EPB41L4A: variants seen among roughly 807,000 people sequenced by gnomAD.
EPB41L4A encodes the protein band 4.1-like protein 4A.
A neutral mutation model predicts 108.6 loss-of-function variants in EPB41L4A; 100 were observed. That is an observed-to-expected ratio of 0.92 (90% CI 0.78 to 1.09). The LOEUF is 1.09. EPB41L4A is among the 50% of genes least tolerant of loss of function. The probability of loss-of-function intolerance (pLI) is 0.00; values close to 1 mark genes in which losing one functional copy is unlikely to be tolerated. For missense variants in EPB41L4A, 1,030 were observed against 842.7 expected, an observed-to-expected ratio of 1.22 and a Z score of -2.75; for synonymous variants, 319 against 289.0, an observed-to-expected ratio of 1.10 and a Z score of -1.05.
chr5:112,240,423 T>C (rs542889342), intron 10 of EPB41L4A, among the ~76,000 whole-genome samples: 126 of 152,308 alleles, frequency 8.3e-4, no homozygotes, highest in African/African-American at 2.9e-3. Flanking sequence ...CAATACTACA[T>C]AGGTGCTAGC....
intron 1 of EPB41L4A, among the ~76,000 whole-genome samples, chr5:112,378,439 CA>C (rs1257818672): frequency 5.3e-5 from 8 of 152,028 alleles, no homozygotes; most frequent in Non-Finnish European, 1.5e-5. Context: ...TCTTAAAAAG[CA>C]AAAAATTCAG....
chr5:112,222,779 G>A (rs373642143), intron 12 of EPB41L4A, among the ~76,000 whole-genome samples: 16 of 152,146 alleles, frequency 1.1e-4, no homozygotes, highest in Admixed American at 2.6e-4. Context: ...GAATCTGGGC[G>A]GTTTCCTCAG....
At chr5:112,158,970 T>G (rs746028065), downstream of EPB41L4A, among the ~76,000 whole-genome samples, 1 of 152,232 alleles carries the variant, frequency 6.6e-6, no homozygotes, top group Non-Finnish European at 1.5e-5. Flanking sequence ...AAGGACAATC[T>G]TCGTGTTACT....
intron 2 of EPB41L4A, among the ~76,000 whole-genome samples, chr5:112,305,049 T>C (rs116560787): frequency 0.017 from 2,536 of 152,230 alleles, 31 homozygotes; most frequent in Middle Eastern, 0.027. Context: ...AAGGGAAGAC[T>C]GCGCTGCTGC....
intron 1 of EPB41L4A, among the ~76,000 whole-genome samples, chr5:112,369,105 G>A (rs991520449): frequency 6.6e-6 from 1 of 152,126 alleles, no homozygotes; most frequent in Non-Finnish European, 1.5e-5. Flanking sequence ...TCAACACAAA[G>A]GTCCCTTAGC....
At chr5:112,375,097 T>C (rs575629732) in intron 1 of EPB41L4A, among the ~76,000 whole-genome samples, 1 of 152,214 alleles carries the variant, frequency 6.6e-6, no homozygotes, top group East Asian at 1.9e-4. Context: ...AACCATTCTG[T>C]TTTGTCGTTG....
chr5:112,220,860 G>A (rs186424570), intron 12 of EPB41L4A, among the ~76,000 whole-genome samples: 2 of 152,210 alleles, frequency 1.3e-5, no homozygotes, highest in African/African-American at 4.8e-5. Context: ...TATCATACAG[G>A]GAAACCAAGA....
intron 1 of EPB41L4A, among the ~76,000 whole-genome samples, chr5:112,322,196 A>T (rs821746): frequency 0.24 from 37,060 of 152,128 alleles, 7,118 homozygotes; most frequent in African/African-American, 0.53. Flanking sequence ...ATAAATGTGA[A>T]ACTTATTTAA....
intron 16 of EPB41L4A, 158 bp from the exon 17 acceptor site, chr5:112,194,803 T>C (rs890264411): frequency 2.0e-6 from 1 of 505,192 alleles, no homozygotes; most frequent in Non-Finnish European, 3.4e-6. Context: ...TCAGTGTTTC[T>C]GAACTCAGTA....
At chr5:112,332,867 C>T (rs11739473) in intron 1 of EPB41L4A, among the ~76,000 whole-genome samples, 70,022 of 152,028 alleles carry the variant, frequency 0.46, 17,600 homozygotes, top group South Asian at 0.61. Flanking sequence ...TAGTAAAAGG[C>T]TTTCTTCCGT....
chr5:112,192,774 C>A (rs1761769587), intron 17 of EPB41L4A, among the ~76,000 whole-genome samples: 1 of 152,082 alleles, frequency 6.6e-6, no homozygotes, highest in Admixed American at 6.5e-5. Context: ...TTGGCTCCCC[C>A]AAAAATGTTT....
At chr5:112,278,460 C>T (rs541521660) in intron 3 of EPB41L4A, among the ~76,000 whole-genome samples, 10 of 152,024 alleles carry the variant, frequency 6.6e-5, no homozygotes, top group African/African-American at 2.4e-4. Flanking sequence ...CCATGTTGGC[C>T]AGGCTGGTCT....
intron 22 of EPB41L4A, 76 bp from the exon 23 acceptor site, chr5:112,165,194 C>G: frequency 1.8e-6 from 2 of 1,117,066 alleles, no homozygotes; most frequent in Non-Finnish European, 2.6e-6. Context: ...CATCAGAAAC[C>G]AAGCTGCTCT....
chr5:112,171,947 A>AT (rs1760604432), intron 18 of EPB41L4A, among the ~76,000 whole-genome samples: 1 of 152,078 alleles, frequency 6.6e-6, no homozygotes, highest in Admixed American at 6.5e-5. Context: ...TTAGTGTATG[A>AT]TATCATTAAT....
rs144236672 is a variant in EPB41L4A at position 112,221,534 on chromosome 5, G to C, written c.1088-11552C>G. ...TAACTACTTATATAGTGCACAGCTG[G>C]ATTAAATTAGACAATTTATATAAAG... On this transcript the variant is annotated intron_variant, in intron 12 of 22. Transcript: ENST00000261486. 2.5e-3 allele frequency among the ~76,000 whole-genome samples: 381 copies of C among 152,264 alleles called. 3 individuals are homozygous for C. The highest frequency in any genetic ancestry group is 9.0e-3 in the African/African-American group (376 of 41,550).
chr5:112,410,780 A>T (rs1762362240), intron 1 of EPB41L4A, among the ~76,000 whole-genome samples: 1 of 152,146 alleles, frequency 6.6e-6, no homozygotes, highest in South Asian at 2.1e-4. Flanking sequence ...GACTCAAGGG[A>T]AGTCTGCTGG....
rs1749803990 is a variant in EPB41L4A, at chr5:112,241,830, A to G, written c.796-1020T>C. Among the ~76,000 whole-genome samples, 7 of 152,228 alleles carry G rather than the reference A, an allele frequency of 4.6e-5. No homozygotes were observed. In the South Asian group the frequency reaches 1.4e-3, roughly 32 times the overall value. ...GCTGCAGACTACTGCAATAAAGTGAATATTGCAATAAAGTGAGTTGCACAT... is the reference window on the plus strand; with the variant it reads ...GCTGCAGACTACTGCAATAAAGTGAGTATTGCAATAAAGTGAGTTGCACAT... On this transcript the variant is annotated intron_variant, in intron 9 of 22. Transcript: ENST00000261486.
chr5:112,204,415 A>G lies in EPB41L4A; in HGVS notation c.1336T>C (p.Cys446Arg). Residue 446 changes from cysteine to arginine, a missense_variant, in exon 15 of 23, where the codon TGT (cysteine) becomes CGT (arginine). Coordinates refer to ENST00000261486, the MANE Select transcript of EPB41L4A (RefSeq NM_022140.5). ...FPYTRRRNPS[C>R]GSDNDSVQPV... ...TGTACAGAATCATTGTCACTTCCAC[A>G]GGAGGGGTTTCGGCGACGCGTGTAA... The G allele has an allele frequency of 6.2e-7, 1 of 1,613,894 alleles. No individual in the cohort carries two copies. Among genetic ancestry groups the G allele is most frequent in the Non-Finnish European group, 8.5e-7 (1 of 1,179,830 alleles).
chr5:112,353,009 G>A (rs1421922820), intron 1 of EPB41L4A, among the ~76,000 whole-genome samples: 1 of 152,114 alleles, frequency 6.6e-6, no homozygotes, highest in Non-Finnish European at 1.5e-5. Flanking sequence ...CTATAGTGTT[G>A]GTTAGGTAAG....
Sources: allele counts gnomAD v4.1 joint callset (sites outside exome capture counted in the v4.1 genomes callset), GRCh38; gene constraint gnomAD v4.1.1; transcripts MANE v1.5; gene names NCBI Gene and HGNC (gene_info 2026-07-23, HGNC 2026-07-21).